GAN: variants seen among roughly 807,000 people sequenced by gnomAD.
The protein encoded by GAN is gigaxonin.
GAN carries 48 observed loss-of-function variants against 71.3 expected under a neutral mutation model. The observed-to-expected ratio is 0.67, with a 90% CI of 0.53 to 0.86. GAN has a LOEUF of 0.86. Among genes scored for constraint, GAN ranks in the 40% least tolerant of loss-of-function variants. The pLI, the probability that GAN is intolerant of heterozygous loss-of-function variation, is 0.00. For missense variants in GAN, 928 were observed against 770.1 expected (o/e 1.21, Z -2.43); for synonymous variants, 386 against 276.8 (o/e 1.39, Z -3.92).
intron 1 of GAN, among the ~76,000 whole-genome samples, chr16:81,331,698 C>T (rs1056341228): frequency 6.6e-6 from 1 of 152,216 alleles, no homozygotes; most frequent in Non-Finnish European, 1.5e-5. Context: ...CTTTGCCAAA[C>T]TCCTTGCATT....
In GAN at chr16:81,381,754, A is replaced by G. The variant is rs1338168654; in HGVS notation, c.*4158A>G. On this transcript the variant is annotated 3_prime_UTR_variant, in exon 11 of 11. Coordinates refer to ENST00000648994, the MANE Select transcript of GAN (RefSeq NM_022041.4). ...GGCAATAAACATTTGACAAATAAAT[A>G]TAAGATTCTTGTGATCAAAGTAATG... 3 of 152,228 alleles carry G rather than the reference A, an allele frequency of 2.0e-5. No homozygotes were observed. Among genetic ancestry groups the G allele is most frequent in the Admixed American group, 1.3e-4 (2 of 15,288 alleles). The allele number at this position is 152,228 out of a possible 1,614,324, so 9.4% of individuals were successfully genotyped here.
At chr16:81,320,757 G>A (rs1909197163) in intron 1 of GAN, among the ~76,000 whole-genome samples, 1 of 152,090 alleles carries the variant, frequency 6.6e-6, no homozygotes, top group Non-Finnish European at 1.5e-5. Context: ...GTACTCTTAT[G>A]GTGATGGAAA....
At chr16:81,371,556 G>T (rs915661636) in intron 9 of GAN, among the ~76,000 whole-genome samples, 1 of 152,118 alleles carries the variant, frequency 6.6e-6, no homozygotes, top group East Asian at 1.9e-4. Context: ...TCGAAGCCTC[G>T]GTCATAAGCA....
chr16:81,351,933 C>G (rs930189533), intron 2 of GAN, among the ~76,000 whole-genome samples: 3 of 152,150 alleles, frequency 2.0e-5, no homozygotes, highest in African/African-American at 4.8e-5. Context: ...TTTGTTGCTA[C>G]CATTCTGAGC....
In GAN at chr16:81,329,751, C is replaced by G. The variant is rs1264750548; in HGVS notation, c.167+14471C>G. ...ACAGCCTGTTTTTCTGGCTCTCCTC[C>G]CCATCTGTCCCTATACCTTGATTAG... On this transcript the variant is annotated intron_variant, in intron 1 of 10. Transcript: ENST00000648994. 2.6e-5 allele frequency among the ~76,000 whole-genome samples: 4 copies of G among 152,270 alleles called. No homozygotes were observed. The East Asian group carries it at 7.7e-4, about 29-fold the overall frequency.
intron 5 of GAN, among the ~76,000 whole-genome samples, chr16:81,358,594 G>A (rs183312638): frequency 4.0e-5 from 6 of 151,522 alleles, no homozygotes; most frequent in African/African-American, 1.5e-4. Context: ...GGGTGACAGA[G>A]TGAGACCCTG....
At chr16:81,362,682 C>G (rs12448327) in intron 6 of GAN, 71 bp downstream of exon 6, 2 of 890,026 alleles carry the variant, frequency 2.2e-6, no homozygotes, top group African/African-American at 1.6e-5. Context: ...TGTTTTGTGT[C>G]TGAGTTCAGG....
Position 81,356,838 on chromosome 16 carries a change from T to C in GAN, c.687T>C (p.Ser229=), listed in dbSNP as rs1313746396. The C allele has an allele frequency of 8.1e-6, 13 of 1,613,960 alleles. No homozygotes were observed. The highest frequency in any genetic ancestry group is 3.3e-5 in the Admixed American group (2 of 60,024). ...SALWVSGLDS[S]YLREQMLNEP... The stretch of plus-strand genomic sequence containing the variant: ...TGTGGGTTTCAGGGTTGGACTCCAG[T>C]TATTTACGGGAACAGATGCTGAATG... The change falls in exon 4 of 11, where the codon AGT becomes AGC. Residue 229 remains serine, a synonymous_variant. Coordinates refer to ENST00000648994, the MANE Select transcript of GAN (RefSeq NM_022041.4).
At chr16:81,351,366 T>TA (rs1311715590) in intron 1 of GAN, among the ~76,000 whole-genome samples, 1 of 152,204 alleles carries the variant, frequency 6.6e-6, no homozygotes, top group Non-Finnish European at 1.5e-5. Context: ...TCTGTTTTGT[T>TA]TTTGTTTTTT....
chr16:81,369,988 A>C (rs1910986063), intron 9 of GAN, among the ~76,000 whole-genome samples: 1 of 152,194 alleles, frequency 6.6e-6, no homozygotes, highest in Non-Finnish European at 1.5e-5. Context: ...TATCTTTATG[A>C]GGCACAGTTC....
intron 7 of GAN, among the ~76,000 whole-genome samples, chr16:81,364,293 A>G (rs1233281630): frequency 1.3e-5 from 2 of 151,968 alleles, no homozygotes; most frequent in African/African-American, 4.8e-5. Flanking sequence ...TTGTTGAGAG[A>G]GGGTCTTACT....
chr16:81,340,543 G>C (rs1313203652), intron 1 of GAN, among the ~76,000 whole-genome samples: 2 of 152,104 alleles, frequency 1.3e-5, no homozygotes, highest in Admixed American at 6.5e-5. Flanking sequence ...CAGCTGAGGG[G>C]CCTCTCTGTT....
At position 81,382,610 on chromosome 16, in the gene GAN, T is replaced by G. The variant is rs1904311015; in HGVS notation, c.*5014T>G. ...TAGCTTTTAATAATTCTTGAAATAC[T>G]CTTTACTCTGTCTGTAGTTTTGAGA... On this transcript the variant is annotated 3_prime_UTR_variant, in exon 11 of 11. Coordinates refer to ENST00000648994, the MANE Select transcript of GAN (RefSeq NM_022041.4). 6.6e-6 allele frequency: 1 copy of G among 152,220 alleles called. No homozygotes were observed. The highest frequency in any genetic ancestry group is 6.5e-5 in the Admixed American group (1 of 15,278). The allele number at this position is 152,220 out of a possible 1,614,324, so 9.4% of individuals were successfully genotyped here. A position where few individuals can be genotyped will look rare whatever the true frequency, so the allele number is the denominator to read the frequency against.
At chr16:81,322,236 C>T (rs1239017388) in intron 1 of GAN, among the ~76,000 whole-genome samples, 11 of 152,190 alleles carry the variant, frequency 7.2e-5, no homozygotes, top group Non-Finnish European at 1.6e-4. Flanking sequence ...TTGGACTTTT[C>T]CTCTGTTCAA....
At chr16:81,365,175 C>G in intron 8 of GAN, 65 bp downstream of exon 8, 1 of 1,583,360 alleles carries the variant, frequency 6.3e-7, no homozygotes. Flanking sequence ...AGCCCCTTAC[C>G]CTGCCTGGCT....
chr16:81,350,329 A>G (rs1009541232), intron 1 of GAN, among the ~76,000 whole-genome samples: 9 of 152,282 alleles, frequency 5.9e-5, no homozygotes, highest in East Asian at 1.9e-4. Context: ...CACTCATTCA[A>G]TTGACAAAAC....
chr16:81,328,787 G>A (rs1400138850), intron 1 of GAN, among the ~76,000 whole-genome samples: 1 of 151,844 alleles, frequency 6.6e-6, no homozygotes, highest in Non-Finnish European at 1.5e-5. Context: ...GTTTGCTATT[G>A]TAAAAATATT....
In GAN at chr16:81,388,076, C is replaced by G. The variant is rs557946761; in HGVS notation, c.*10480C>G. On this transcript the variant is annotated 3_prime_UTR_variant, in exon 11 of 11. Transcript: ENST00000648994. Reference sequence around the variant, plus strand: ...AACAGGCACTTCGCAGTCGGCGCATCTTTCTCTGCCAGCTTAGGGATTGCC... The same window carrying G: ...AACAGGCACTTCGCAGTCGGCGCATGTTTCTCTGCCAGCTTAGGGATTGCC... 2.0e-5 allele frequency: 3 copies of G among 152,356 alleles called. No homozygotes were observed. Among genetic ancestry groups the G allele is most frequent in the South Asian group, 4.1e-4 (2 of 4,826 alleles). 9.4% of individuals were successfully genotyped at this position (152,356 alleles called of 1,614,324 possible). A position where few individuals can be genotyped will look rare whatever the true frequency, so the allele number is the denominator to read the frequency against.
intron 1 of GAN, among the ~76,000 whole-genome samples, chr16:81,338,113 C>G (rs927917298): frequency 1.3e-5 from 2 of 152,104 alleles, no homozygotes; most frequent in African/African-American, 4.8e-5. Flanking sequence ...AAACAGAAAA[C>G]GCGGAACAAT....
Sources: allele counts gnomAD v4.1 joint callset (sites outside exome capture counted in the v4.1 genomes callset), GRCh38; gene constraint gnomAD v4.1.1; transcripts MANE v1.5; gene names NCBI Gene and HGNC (gene_info 2026-07-23, HGNC 2026-07-21).